Variants in PTCHD1 observed in about 807,000 individuals in gnomAD.
PTCHD1 encodes the protein patched domain-containing protein 1.
A neutral mutation model predicts 34.6 loss-of-function variants in PTCHD1; 3 were observed. The ratio of observed to expected loss-of-function variants is 0.09; its 90% CI spans 0.04 to 0.22. The LOEUF is 0.22. Among genes scored for constraint, PTCHD1 ranks in the 10% least tolerant of loss-of-function variants. PTCHD1 has a pLI of 1.00. For synonymous variants in PTCHD1, 305 were observed against 283.1 expected (o/e 1.08, Z -0.77); for missense variants, 504 against 685.5 (o/e 0.74, Z 2.96).
intron 1 of PTCHD1, among the ~76,000 whole-genome samples, chrX:23,353,609 CAAAAAA>C (rs200478194): frequency 0.066 from 6,348 of 96,359 alleles, 473 homozygotes; most frequent in African/African-American, 0.21. Context: ...CAAAACAAAA[CAAAAAA>C]AAAAAACGTA....
At chrX:23,356,764 A>G (rs1921816119) in intron 1 of PTCHD1, among the ~76,000 whole-genome samples, 1 of 112,094 alleles carries the variant, frequency 8.9e-6, no homozygotes. Context: ...CAAATATGGG[A>G]TTTCCAGGCA....
Position 23,394,554 on chromosome X carries a change from A to G in PTCHD1, c.*369A>G, listed in dbSNP as rs889858888. On this transcript the variant is annotated 3_prime_UTR_variant, in exon 3 of 3. Transcript: ENST00000379361. ...AACTGCAGATGTTGCTGGCATTGTG[A>G]CAAAACCCACTGATTGAAAGGTCAA... The G allele has an allele frequency of 8.4e-5, 13 of 154,847 alleles. No individual in the cohort carries two copies. Among genetic ancestry groups the G allele is most frequent in the Admixed American group, 3.0e-4 (4 of 13,432 alleles). 12.8% of individuals were successfully genotyped at this position (154,847 alleles called of 1,213,427 possible). A position where few individuals can be genotyped will look rare whatever the true frequency, so the allele number is the denominator to read the frequency against.
chrX:23,374,626 A>C (rs192903921), intron 1 of PTCHD1, among the ~76,000 whole-genome samples: 1,181 of 110,208 alleles, frequency 0.011, 20 homozygotes, highest in African/African-American at 0.037. Context: ...TTTTCCAGTA[A>C]ACCTATATTC....
rs1206924237 is a variant in PTCHD1 at position 23,348,553 on chromosome X, C to T, written c.351+13327C>T. 5.5e-5 allele frequency among the ~76,000 whole-genome samples: 6 copies of T among 110,062 alleles called. No individual in the cohort carries two copies. The East Asian group carries it at 8.5e-4, about 16-fold the overall frequency. On this transcript the variant is annotated intron_variant, in intron 1 of 2. Transcript: ENST00000379361. ...AGGAAATCTTGAAAGAAGCCAGGGT[C>T]GGGGGGACACCTTATATATAGAGGA...
At chrX:23,364,350 A>G (rs1431461611) in intron 1 of PTCHD1, among the ~76,000 whole-genome samples, 1 of 104,032 alleles carries the variant, frequency 9.6e-6, no homozygotes, top group Admixed American at 1.1e-4. Context: ...TATAAATCAT[A>G]CCTTAATTAT....
intron 1 of PTCHD1, among the ~76,000 whole-genome samples, chrX:23,363,036 G>T (rs1284334444): frequency 2.7e-5 from 3 of 111,728 alleles, no homozygotes; most frequent in Non-Finnish European, 5.6e-5. Flanking sequence ...TCCCAGAGGA[G>T]CACCCACCTG....
At position 23,379,984 on chromosome X, in the gene PTCHD1, A is replaced by C. The variant is rs143879349; in HGVS notation, c.745A>C (p.Met249Leu). Residue 249 changes from methionine to leucine, a missense_variant, in exon 2 of 3, where the codon ATG becomes CTG. Transcript: ENST00000379361. ...TCAGAAATCCAACAGCAAAGTCAAAATGTACCCTTACACGTCCTCCTCACT... is the reference window on the plus strand; with the variant it reads ...TCAGAAATCCAACAGCAAAGTCAAACTGTACCCTTACACGTCCTCCTCACT... ...LFQKSNSKVK[M>L]YPYTSSSLRE... 15 of 1,210,224 alleles carry C rather than the reference A, an allele frequency of 1.2e-5. No homozygotes were observed. The highest frequency in any genetic ancestry group is 1.5e-5 in the Non-Finnish European group (13 of 895,285).
At chrX:23,377,894 A>C (rs915063617) in intron 1 of PTCHD1, among the ~76,000 whole-genome samples, 7 of 111,840 alleles carry the variant, frequency 6.3e-5, no homozygotes, top group African/African-American at 2.3e-4. Context: ...GAGAGAAAAT[A>C]TATCAGGATC....
rs1922972900 is a variant in PTCHD1 at position 23,395,727 on chromosome X, T to A, written c.*1542T>A. On this transcript the variant is annotated 3_prime_UTR_variant, in exon 3 of 3. Transcript: ENST00000379361. The stretch of plus-strand genomic sequence containing the variant: ...AAATGAAGCTAAAACCTGGTTACAT[T>A]TGAAGCAAATATCTACAGTATTTTT... 8.9e-6 allele frequency: 1 copy of A among 112,223 alleles called. No homozygotes were observed. The highest frequency in any genetic ancestry group is 3.8e-4 in the South Asian group (1 of 2,639). 9.2% of individuals were successfully genotyped at this position (112,223 alleles called of 1,213,427 possible). A position where few individuals can be genotyped will look rare whatever the true frequency, so the allele number is the denominator to read the frequency against.
At position 23,402,841 on chromosome X, in the gene PTCHD1, T is replaced by C; in HGVS notation, c.*8656T>C. 8.9e-6 allele frequency: 1 copy of C among 112,729 alleles called. No individual in the cohort carries two copies. The highest frequency in any genetic ancestry group is 2.8e-4 in the East Asian group (1 of 3,624). 9.3% of individuals were successfully genotyped at this position (112,729 alleles called of 1,213,427 possible). A position where few individuals can be genotyped will look rare whatever the true frequency, so the allele number is the denominator to read the frequency against. ...GTAAAAAATATGTCTACATAGCCAA[T>C]GCTCTTAGTATTTTTAACAGCAAAG... On this transcript the variant is annotated 3_prime_UTR_variant, in exon 3 of 3. Coordinates refer to ENST00000379361, the MANE Select transcript of PTCHD1 (RefSeq NM_173495.3).
intron 1 of PTCHD1, among the ~76,000 whole-genome samples, chrX:23,373,503 GGAT>G (rs763912024): frequency 8.9e-6 from 1 of 112,791 alleles, no homozygotes; most frequent in Non-Finnish European, 1.9e-5. Flanking sequence ...TTCAAAGGCA[GGAT>G]GATATTTCTG....
At chrX:23,363,454 C>T (rs1047034299) in intron 1 of PTCHD1, among the ~76,000 whole-genome samples, 5 of 113,035 alleles carry the variant, frequency 4.4e-5, no homozygotes, top group African/African-American at 6.4e-5. Context: ...TGGGACCTGC[C>T]GAACCAGGCG....
chrX:23,359,702 A>G (rs2146624742), intron 1 of PTCHD1, among the ~76,000 whole-genome samples: 1 of 112,115 alleles, frequency 8.9e-6, no homozygotes, highest in African/African-American at 3.2e-5. Flanking sequence ...AGGAGTGGTG[A>G]GAGAGGGCAT....
At chrX:23,368,987 C>T (rs936338955) in intron 1 of PTCHD1, among the ~76,000 whole-genome samples, 2 of 111,282 alleles carry the variant, frequency 1.8e-5, no homozygotes, top group Non-Finnish European at 3.8e-5. Context: ...TCGCTTGAAC[C>T]CAGGAGGCAG....
At chrX:23,380,843 T>C (rs1922543657) in intron 2 of PTCHD1, among the ~76,000 whole-genome samples, 1 of 111,241 alleles carries the variant, frequency 9.0e-6, no homozygotes, top group African/African-American at 3.3e-5. Context: ...TTGTGATTCA[T>C]TGAGGGCTGC....
rs1275444855 is a variant in PTCHD1, at chrX:23,342,298, ATATATATATATATTTTTT to A, written c.351+7074_351+7091del. ...TATATATATATATATATATATATAT[ATATATATATATATTTTTT>A]TTTTTTTTTTTTTTTTAAAAGAATT... is the stretch of plus-strand genomic sequence containing the variant. On this transcript the variant is annotated intron_variant, in intron 1 of 2. Coordinates refer to ENST00000379361, the MANE Select transcript of PTCHD1 (RefSeq NM_173495.3). Among the ~76,000 whole-genome samples, 23 of 8,175 alleles carry A rather than the reference ATATATATATATATTTTTT, an allele frequency of 2.8e-3. No homozygotes were observed. The African/African-American group carries it at 0.039, about 14-fold the overall frequency. The allele number at this position is 8,175 out of a possible 115,157, so 7.1% of individuals were successfully genotyped here. A position where few individuals can be genotyped will look rare whatever the true frequency, so the allele number is the denominator to read the frequency against.
chrX:23,393,939 T>C lies in PTCHD1; in HGVS notation c.2421T>C (p.Val807=). The C allele has an allele frequency of 1.7e-6, 2 of 1,210,737 alleles. No homozygotes were observed. The highest frequency in any genetic ancestry group is 3.5e-5 in the African/African-American group (2 of 57,735). The change falls in exon 3 of 3, where the codon GTT becomes GTC. Residue 807 remains valine (V), a synonymous_variant. Transcript: ENST00000379361. The part of the protein sequence containing the change: ...AILQSYLCYI[V]GLIPLAAVPS... ...TACAGAGTTACCTCTGCTATATTGT[T>C]GGTCTGATTCCTCTTGCAGCTGTGC...
intron 2 of PTCHD1, among the ~76,000 whole-genome samples, chrX:23,386,528 T>C (rs1279779871): frequency 1.8e-5 from 2 of 112,180 alleles, no homozygotes; most frequent in Non-Finnish European, 3.8e-5. Flanking sequence ...AAAGTGTAAA[T>C]GTAACCCAAT....
chrX:23,371,880 A>G (rs781650047), intron 1 of PTCHD1, among the ~76,000 whole-genome samples: 77 of 111,358 alleles, frequency 6.9e-4, no homozygotes, highest in Non-Finnish European at 1.3e-3. Flanking sequence ...GACAAAATGC[A>G]TGCACACTCA....
Sources: allele counts gnomAD v4.1 joint callset (sites outside exome capture counted in the v4.1 genomes callset), GRCh38; gene constraint gnomAD v4.1.1; transcripts MANE v1.5; gene names NCBI Gene and HGNC (gene_info 2026-07-23, HGNC 2026-07-21).